Variants in GRIN3A observed in about 807,000 individuals in gnomAD.
GRIN3A encodes the protein glutamate receptor ionotropic, NMDA 3A.
Under a neutral mutation model 92.4 loss-of-function variants are expected in GRIN3A, and 47 were observed. The observed-to-expected ratio is 0.51, with a 90% CI of 0.40 to 0.65. The LOEUF (loss-of-function observed/expected upper bound fraction) is 0.65, where lower values mean the gene tolerates loss of function less well. Ranked by LOEUF, GRIN3A falls within the 30% of genes least tolerant of loss-of-function variation. The pLI is 0.00. For synonymous variants in GRIN3A, 527 were observed against 540.6 expected, an observed-to-expected ratio of 0.97 and a Z score of 0.35; for missense variants, 1,324 against 1,393.1, an observed-to-expected ratio of 0.95 and a Z score of 0.79.
intron 1 of GRIN3A, among the ~76,000 whole-genome samples, chr9:101,730,314 G>A (rs972020206): frequency 1.3e-5 from 2 of 152,206 alleles, no homozygotes; most frequent in South Asian, 2.1e-4. Context: ...GACACATTGC[G>A]AATGCATAAT....
intron 1 of GRIN3A, among the ~76,000 whole-genome samples, chr9:101,716,095 T>C (rs1829942939): frequency 6.6e-6 from 1 of 151,024 alleles, no homozygotes; most frequent in Admixed American, 6.7e-5. Flanking sequence ...CGCATGGAAT[T>C]TGGAAACACT....
At chr9:101,632,418 A>G (rs1828727377) in intron 3 of GRIN3A, among the ~76,000 whole-genome samples, 1 of 152,196 alleles carries the variant, frequency 6.6e-6, no homozygotes, top group African/African-American at 2.4e-5. Context: ...TGCTATTATT[A>G]TTATCATTGT....
At chr9:101,594,889 C>A (rs374058531) in intron 6 of GRIN3A, 6 of 1,600,734 alleles carry the variant, frequency 3.7e-6, no homozygotes, top group Non-Finnish European at 4.2e-6. Context: ...AGTGGGAGCA[C>A]ATCTCCGCCG....
chr9:101,625,717 A>G lies in GRIN3A; in HGVS notation c.2499-2284T>C, dbSNP rs543679362. Among the ~76,000 whole-genome samples the G allele has an allele frequency of 3.9e-5, 6 of 152,302 alleles. No individual in the cohort carries two copies. In the South Asian group the frequency reaches 8.3e-4, roughly 21 times the overall value. On this transcript the variant is annotated intron_variant, in intron 4 of 8. Coordinates refer to ENST00000361820, the MANE Select transcript of GRIN3A (RefSeq NM_133445.3). ...GATGTGGATTGTCTCCTAGAAGTTG[A>G]TAAGGAATCTTAATGGAATCCTGGC...
intron 1 of GRIN3A, among the ~76,000 whole-genome samples, chr9:101,693,290 C>T (rs938509426): frequency 1.6e-4 from 24 of 150,578 alleles, no homozygotes; most frequent in African/African-American, 3.2e-4. Flanking sequence ...AGGGGTCACA[C>T]GTGCCTGTAA....
At chr9:101,579,479 A>AAATAGTCTCCAG in intron 6 of GRIN3A, 119 bp from the exon 7 acceptor site, 1 of 956,522 alleles carries the variant, frequency 1.0e-6, no homozygotes, top group Non-Finnish European at 1.6e-6. Context: ...ACAGCTGGAG[A>AAATAGTCTCCAG]CTATTTCTCC....
At chr9:101,708,847 T>C (rs534441360) in intron 1 of GRIN3A, among the ~76,000 whole-genome samples, 139 of 152,306 alleles carry the variant, frequency 9.1e-4, no homozygotes, top group African/African-American at 3.2e-3. Flanking sequence ...GACTGTCACA[T>C]AAAATTTCGC....
intron 1 of GRIN3A, among the ~76,000 whole-genome samples, chr9:101,736,060 T>G (rs952433417): frequency 3.9e-5 from 6 of 152,238 alleles, no homozygotes; most frequent in Non-Finnish European, 7.3e-5. Flanking sequence ...TACATTGCCC[T>G]TACTCATTTT....
At chr9:101,621,284 C>T (rs1186514660) in intron 5 of GRIN3A, among the ~76,000 whole-genome samples, 1 of 129,332 alleles carries the variant, frequency 7.7e-6, no homozygotes, top group Non-Finnish European at 1.7e-5. Flanking sequence ...GACTCAGTCT[C>T]AAAAAAAAAA....
intron 3 of GRIN3A, among the ~76,000 whole-genome samples, chr9:101,630,022 C>T (rs912068020): frequency 3.9e-5 from 6 of 152,292 alleles, no homozygotes; most frequent in East Asian, 3.9e-4. Flanking sequence ...CTTGAACCCC[C>T]GGGGCTGTTC....
chr9:101,737,560 C>G lies in GRIN3A; in HGVS notation c.420G>C (p.Gly140=). The change falls in exon 1 of 9, where the codon GGG becomes GGC. Residue 140 remains glycine (G), a synonymous_variant. Transcript: ENST00000361820. ...CCAAAGACAGGTTGTAGGGTAGCAG[C>G]CCTTCCACGCGGTTCAGGTTGTCCA... is the stretch of plus-strand genomic sequence containing the variant. ...FAVDNLNRVE[G]LLPYNLSLEV... 1 of 1,614,232 alleles carries G rather than the reference C, an allele frequency of 6.2e-7. No homozygotes were observed. Among genetic ancestry groups the G allele is most frequent in the East Asian group, 2.2e-5 (1 of 44,866 alleles).
rs148101028 is a variant in GRIN3A, at chr9:101,653,903, C to T, written c.2352+16157G>A. Among the ~76,000 whole-genome samples, 367 of 151,746 alleles carry T rather than the reference C, an allele frequency of 2.4e-3. 2 individuals are homozygous for T. Among genetic ancestry groups the T allele is most frequent in the African/African-American group, 7.9e-3 (327 of 41,450 alleles). ...GTAATACAAATGAAAATTGTATTATCGCTGAAAATAATAATATAATTTAAT... is the reference window on the plus strand; with the variant it reads ...GTAATACAAATGAAAATTGTATTATTGCTGAAAATAATAATATAATTTAAT... On this transcript the variant is annotated intron_variant, in intron 3 of 8. Transcript: ENST00000361820.
At chr9:101,690,235 T>G (rs1482772569) in intron 1 of GRIN3A, among the ~76,000 whole-genome samples, 1 of 152,202 alleles carries the variant, frequency 6.6e-6, no homozygotes, top group Non-Finnish European at 1.5e-5. Flanking sequence ...TGTAGCTATA[T>G]TATTTTTCAT....
intron 5 of GRIN3A, among the ~76,000 whole-genome samples, chr9:101,616,888 TA>T (rs75080539): frequency 0.1 from 10,578 of 101,358 alleles, 475 homozygotes; most frequent in East Asian, 0.21. Flanking sequence ...ACTTAAAGTA[TA>T]AAAAAAAAAA....
At chr9:101,720,218 C>CT (rs1217141522) in intron 1 of GRIN3A, among the ~76,000 whole-genome samples, 1 of 152,178 alleles carries the variant, frequency 6.6e-6, no homozygotes, top group African/African-American at 2.4e-5. Flanking sequence ...AGAATTGAAG[C>CT]TAGGAGTATG....
rs539338981 is a variant in GRIN3A at position 101,613,372 on chromosome 9, A to G, written c.2766+4T>C. 7 of 1,614,000 alleles carry G rather than the reference A, an allele frequency of 4.3e-6. No homozygotes were observed. Among genetic ancestry groups the G allele is most frequent in the East Asian group, 4.5e-5 (2 of 44,886 alleles). Reference sequence around the variant, plus strand: ...TGTCACCATTTTCAACAGTCTTTCCATACCTCCGTGACAGCAAAACTTCTC... The same window carrying G: ...TGTCACCATTTTCAACAGTCTTTCCGTACCTCCGTGACAGCAAAACTTCTC... On this transcript the variant is annotated splice_donor_region_variant and intron_variant, in intron 6 of 8. Transcript: ENST00000361820.
rs756633680 is a variant in GRIN3A at position 101,628,316 on chromosome 9, A to G, written c.2438T>C (p.Met813Thr). 1.9e-6 allele frequency: 3 copies of G among 1,613,856 alleles called. No individual in the cohort carries two copies. Among genetic ancestry groups the G allele is most frequent in the East Asian group, 2.2e-5 (1 of 44,876 alleles). Residue 813 changes from methionine (M) to threonine (T), a missense_variant, in exon 4 of 9, where the codon ATG (methionine) becomes ACG (threonine). Transcript: ENST00000361820. Reference protein sequence around the residue: ...EDYVRQSFPEMHEYMRRYNVP... With the variant: ...EDYVRQSFPETHEYMRRYNVP... ...ATTGTACCTTCTCATATATTCATGC[A>G]TCTCTGGGAAACTTTGTCTCACATA...
intron 2 of GRIN3A, among the ~76,000 whole-genome samples, chr9:101,683,101 C>T (rs1829483575): frequency 1.3e-5 from 2 of 152,222 alleles, no homozygotes; most frequent in South Asian, 4.1e-4. Context: ...GACATTTGCT[C>T]TGGCATGTGG....
intron 2 of GRIN3A, among the ~76,000 whole-genome samples, chr9:101,677,528 C>T (rs1377152953): frequency 1.3e-5 from 2 of 152,016 alleles, no homozygotes; most frequent in Admixed American, 6.6e-5. Flanking sequence ...CATTCCAGCT[C>T]CCTTCCCACT....
Sources: gnomAD v4.1 joint callset for allele counts (sites outside exome capture counted in the v4.1 genomes callset) on GRCh38, gnomAD v4.1.1 for gene constraint, MANE v1.5 for transcripts, NCBI Gene and HGNC (gene_info 2026-07-23, HGNC 2026-07-21) for gene names.